Variants in OPRL1 observed in about 807,000 individuals in gnomAD.
OPRL1 encodes opioid related nociceptin receptor 1, also known as nociceptin receptor.
OPRL1 carries 5 observed loss-of-function variants against 15.5 expected under a neutral mutation model. The observed-to-expected ratio is 0.32, with a 90% CI of 0.17 to 0.68. OPRL1 has a LOEUF of 0.68. Among genes scored for constraint, OPRL1 ranks in the 30% least tolerant of loss-of-function variants. The pLI is 0.72. For missense variants in OPRL1, 406 were observed against 515.3 expected, an observed-to-expected ratio of 0.79 and a Z score of 2.05; for synonymous variants, 223 against 230.2, an observed-to-expected ratio of 0.97 and a Z score of 0.28.
rs950242556 is a variant in OPRL1 at position 64,083,920 on chromosome 20, G to C, written c.-185+3568G>C. The C allele has an allele frequency of 4.1e-6, 6 of 1,451,644 alleles. No homozygotes were observed. The African/African-American group carries it at 7.4e-5, about 18-fold the overall frequency. 89.9% of individuals were successfully genotyped at this position (1,451,644 alleles called of 1,614,324 possible). ...GGTTCTGGCGCTCGGCGGGCAGCTC[G>C]AGCGACTGCGTCCACGGGCGCGGGT... On this transcript the variant is annotated intron_variant, in intron 1 of 4. Coordinates refer to ENST00000336866, the MANE Select transcript of OPRL1 (RefSeq NM_182647.4). The surrounding 1 kb of genome is among the most constrained non-coding windows in gnomAD (Gnocchi z 4.9).
At chr20:64,084,385 C>T in intron 1 of OPRL1, 3 of 1,274,992 alleles carry the variant, frequency 2.4e-6, no homozygotes, top group Non-Finnish European at 3.0e-6. Flanking sequence ...TTTGCCCAGG[C>T]GCTCTCCCTC....
chr20:64,088,738 T>C (rs62218109), intron 1 of OPRL1, among the ~76,000 whole-genome samples: 175 of 8,588 alleles, frequency 0.02, 30 homozygotes, highest in Non-Finnish European at 0.024. Flanking sequence ...GTGCAAGGGG[T>C]AGGATCTGTG....
Position 64,083,940 on chromosome 20 carries a change from G to C in OPRL1, c.-185+3588G>C. 1 of 1,457,142 alleles carries C rather than the reference G, an allele frequency of 6.9e-7. No homozygotes were observed. Among genetic ancestry groups the C allele is most frequent in the Non-Finnish European group, 9.0e-7 (1 of 1,110,066 alleles). The allele number at this position is 1,457,142 out of a possible 1,614,324, so 90.3% of individuals were successfully genotyped here. A position where few individuals can be genotyped will look rare whatever the true frequency, so the allele number is the denominator to read the frequency against. ...AGCTCGAGCGACTGCGTCCACGGGC[G>C]CGGGTCGGGCATGCGGTACCCCGGT... On this transcript the variant is annotated intron_variant, in intron 1 of 4. Transcript: ENST00000336866. This position sits in a 1 kb window ranked among gnomAD's most constrained non-coding sequence, Gnocchi z 4.9.
rs143653043 is a variant in OPRL1 at position 64,089,746 on chromosome 20, T to C, written c.-184-2220T>C. Reference sequence around the variant, plus strand: ...CCTGGCCTCTGACACTGGTTCCTGGTCCGGGGACATCAGGTTGGGCTCCTT... The same window carrying C: ...CCTGGCCTCTGACACTGGTTCCTGGCCCGGGGACATCAGGTTGGGCTCCTT... On this transcript the variant is annotated intron_variant, in intron 1 of 4. Coordinates refer to ENST00000336866, the MANE Select transcript of OPRL1 (RefSeq NM_182647.4). The surrounding 1 kb of genome is among the most constrained non-coding windows in gnomAD (Gnocchi z 5.5). Among the ~76,000 whole-genome samples the C allele has an allele frequency of 5.9e-3, 900 of 152,316 alleles. 8 individuals carry two copies. Among genetic ancestry groups the C allele is most frequent in the Middle Eastern group, 0.051 (15 of 294 alleles).
At chr20:64,085,641 A>G (rs375469975) in intron 1 of OPRL1, among the ~76,000 whole-genome samples, 1 of 152,214 alleles carries the variant, frequency 6.6e-6, no homozygotes, top group East Asian at 1.9e-4. Flanking sequence ...AAAAAGTCCA[A>G]TCTGTTACGT....
rs2059996124 is a variant in OPRL1, at chr20:64,083,590, C to T, written c.-185+3238C>T. On this transcript the variant is annotated intron_variant, in intron 1 of 4. Transcript: ENST00000336866. The surrounding 1 kb of genome is among the most constrained non-coding windows in gnomAD (Gnocchi z 4.9). The stretch of plus-strand genomic sequence containing the variant: ...ACCGGGGCTTGTCTGCACCTCTTGG[C>T]GGTCCAGGGGGTCCGGGATCCGCGC... 1 of 1,505,158 alleles carries T rather than the reference C, an allele frequency of 6.6e-7. No individual in the cohort carries two copies. Among genetic ancestry groups the T allele is most frequent in the Non-Finnish European group, 8.9e-7 (1 of 1,126,576 alleles). 93.2% of individuals were successfully genotyped at this position (1,505,158 alleles called of 1,614,324 possible). A position where few individuals can be genotyped will look rare whatever the true frequency, so the allele number is the denominator to read the frequency against.
chr20:64,091,956 T>TC lies in OPRL1; in HGVS notation c.-184-3dup, dbSNP rs963001248. 2.0e-5 allele frequency: 3 copies of TC among 152,116 alleles called. No homozygotes were observed. Among genetic ancestry groups the TC allele is most frequent in the Non-Finnish European group, 4.4e-5 (3 of 68,382 alleles). The allele number at this position is 152,116 out of a possible 1,614,324, so 9.4% of individuals were successfully genotyped here. On this transcript the variant is annotated splice_polypyrimidine_tract_variant and intron_variant, in intron 1 of 4. Coordinates refer to ENST00000336866, the MANE Select transcript of OPRL1 (RefSeq NM_182647.4). ...TTCTGGAGCTGCAGCCTCCTCCCCC[T>TC]CCCCCCCAGCTTCGGGCTGCCGGCT...
Position 64,097,851 on chromosome 20 carries a change from C to T in OPRL1, c.283C>T (p.Leu95=). The change falls in exon 4 of 5, where the codon CTG becomes TTG. Residue 95 remains leucine (L), a synonymous_variant. Coordinates refer to ENST00000336866, the MANE Select transcript of OPRL1 (RefSeq NM_182647.4). This position sits in a 1 kb window ranked among gnomAD's most constrained non-coding sequence, Gnocchi z 4.2. ...ATNIYIFNLA[L]ADTLVLLTLP... Reference sequence around the variant, plus strand: ...CAATATTTACATCTTTAACCTGGCCCTGGCCGACACTCTGGTCCTGCTGAC... The same window carrying T: ...CAATATTTACATCTTTAACCTGGCCTTGGCCGACACTCTGGTCCTGCTGAC... The T allele has an allele frequency of 6.2e-7, 1 of 1,613,614 alleles. No individual in the cohort carries two copies. Among genetic ancestry groups the T allele is most frequent in the Non-Finnish European group, 8.5e-7 (1 of 1,179,996 alleles).
rs2060004000 is a variant in OPRL1, at chr20:64,083,847, C to T, written c.-185+3495C>T. 4 of 1,405,486 alleles carry T rather than the reference C, an allele frequency of 2.8e-6. No individual in the cohort carries two copies. The highest frequency in any genetic ancestry group is 1.5e-5 in the African/African-American group (1 of 66,202). The allele number at this position is 1,405,486 out of a possible 1,614,324, so 87.1% of individuals were successfully genotyped here. A position where few individuals can be genotyped will look rare whatever the true frequency, so the allele number is the denominator to read the frequency against. On this transcript the variant is annotated intron_variant, in intron 1 of 4. Transcript: ENST00000336866. The surrounding 1 kb of genome is among the most constrained non-coding windows in gnomAD (Gnocchi z 4.9). ...ATGCGGGTGTAGCGCAGCCGCAGGG[C>T]GCGGACTCGCCCGCGGGCCTCCGCT...
At chr20:64,093,508 TGG>T (rs1569274841) in intron 3 of OPRL1, among the ~76,000 whole-genome samples, 1 of 2,670 alleles carries the variant, frequency 3.7e-4, no homozygotes. Context: ...GGGCAGTGTG[TGG>T]GGGGCGGTGT....
rs1348803644 is a variant in OPRL1 at position 64,090,720 on chromosome 20, G to A, written c.-184-1246G>A. Among the ~76,000 whole-genome samples, 3 of 152,244 alleles carry A rather than the reference G, an allele frequency of 2.0e-5. No homozygotes were observed. The highest frequency in any genetic ancestry group is 7.2e-5 in the African/African-American group (3 of 41,460). Reference sequence around the variant, plus strand: ...TGTGGGTGCCAGGGGCCTGTCTGCAGGAGTGATGCTCAGCCACTGATCTGG... The same window carrying A: ...TGTGGGTGCCAGGGGCCTGTCTGCAAGAGTGATGCTCAGCCACTGATCTGG... On this transcript the variant is annotated intron_variant, in intron 1 of 4. Coordinates refer to ENST00000336866, the MANE Select transcript of OPRL1 (RefSeq NM_182647.4). This position sits in a 1 kb window ranked among gnomAD's most constrained non-coding sequence, Gnocchi z 4.9.
At chr20:64,084,131 C>T in intron 1 of OPRL1, 9 of 1,465,424 alleles carry the variant, frequency 6.1e-6, no homozygotes, top group Non-Finnish European at 8.1e-6. Context: ...CCCCTTGGCA[C>T]GCTCCTCACC....
chr20:64,088,738 T>TGCAGGGAGGGC (rs1569271930), intron 1 of OPRL1, among the ~76,000 whole-genome samples: 2 of 8,702 alleles, frequency 2.3e-4, no homozygotes, highest in Admixed American at 1.2e-3. Flanking sequence ...GTGCAAGGGG[T>TGCAGGGAGGGC]AGGATCTGTG....
At chr20:64,096,409 C>A (rs1345197309) in intron 3 of OPRL1, among the ~76,000 whole-genome samples, 1 of 152,156 alleles carries the variant, frequency 6.6e-6, no homozygotes, top group Non-Finnish European at 1.5e-5. Context: ...CTTAAAAAAA[C>A]AACATAGATC....
chr20:64,098,831 G>C lies in OPRL1; in HGVS notation c.*32G>C, dbSNP rs1291882220. The C allele has an allele frequency of 6.4e-7, 1 of 1,558,450 alleles. No homozygotes were observed. Among genetic ancestry groups the C allele is most frequent in the African/African-American group, 1.3e-5 (1 of 74,330 alleles). On this transcript the variant is annotated 3_prime_UTR_variant, in exon 5 of 5. Coordinates refer to ENST00000336866, the MANE Select transcript of OPRL1 (RefSeq NM_182647.4). Reference sequence around the variant, plus strand: ...GTGGACCTGCCCATGGTGCCTGTCAGCCCGCAGAGCCCATCTACGCCCAAC... The same window carrying C: ...GTGGACCTGCCCATGGTGCCTGTCACCCCGCAGAGCCCATCTACGCCCAAC...
Position 64,098,928 on chromosome 20 carries a change from G to A in OPRL1, c.*129G>A. On this transcript the variant is annotated 3_prime_UTR_variant, in exon 5 of 5. Transcript: ENST00000336866. ...CCCTGAGCATCCAGAGCCTGGGATG[G>A]GCTTTTCCCTGTGGGCCAGGGATGC... 3 of 1,300,204 alleles carry A rather than the reference G, an allele frequency of 2.3e-6. No homozygotes were observed. The highest frequency in any genetic ancestry group is 3.1e-6 in the Non-Finnish European group (3 of 974,348). 80.5% of individuals were successfully genotyped at this position (1,300,204 alleles called of 1,614,324 possible).
Position 64,083,689 on chromosome 20 carries a change from A to C in OPRL1, c.-185+3337A>C, listed in dbSNP as rs2059998440. 7.1e-7 allele frequency: 1 copy of C among 1,412,930 alleles called. No individual in the cohort carries two copies. The highest frequency in any genetic ancestry group is 3.2e-5 in the Admixed American group (1 of 31,596). 87.5% of individuals were successfully genotyped at this position (1,412,930 alleles called of 1,614,324 possible). ...CGCGGACTTCTGCCGCTGGATGAGC[A>C]GCGCGATCTCCTCGGCCTGCGGGGC... On this transcript the variant is annotated intron_variant, in intron 1 of 4. Transcript: ENST00000336866. This position sits in a 1 kb window ranked among gnomAD's most constrained non-coding sequence, Gnocchi z 4.9.
chr20:64,098,990 A>G lies in OPRL1; in HGVS notation c.*191A>G. 1 of 776,262 alleles carries G rather than the reference A, an allele frequency of 1.3e-6. No individual in the cohort carries two copies. The highest frequency in any genetic ancestry group is 2.7e-5 in the East Asian group (1 of 36,774). 48.1% of individuals were successfully genotyped at this position (776,262 alleles called of 1,614,324 possible). ...GGAGGACCTAGTGACATCATGGGAC[A>G]GGTCAAAGCATTAGGGCCACCTCCA... On this transcript the variant is annotated 3_prime_UTR_variant, in exon 5 of 5. Coordinates refer to ENST00000336866, the MANE Select transcript of OPRL1 (RefSeq NM_182647.4).
In OPRL1 at chr20:64,083,738, G is replaced by A. The variant is rs958350354; in HGVS notation, c.-185+3386G>A. 58 of 1,326,660 alleles carry A rather than the reference G, an allele frequency of 4.4e-5. No homozygotes were observed. The highest frequency in any genetic ancestry group is 3.2e-5 in the Non-Finnish European group (33 of 1,042,706). The allele number at this position is 1,326,660 out of a possible 1,614,324, so 82.2% of individuals were successfully genotyped here. A position where few individuals can be genotyped will look rare whatever the true frequency, so the allele number is the denominator to read the frequency against. ...GCCCGGGTAGCTGAGCGCGCGCCGA[G>A]CCCCGCCCCGCCCCGCCCCGGCCGG... On this transcript the variant is annotated intron_variant, in intron 1 of 4. Transcript: ENST00000336866. The surrounding 1 kb of genome is among the most constrained non-coding windows in gnomAD (Gnocchi z 4.9).
Sources: allele counts gnomAD v4.1 joint callset (sites outside exome capture counted in the v4.1 genomes callset), GRCh38; gene constraint gnomAD v4.1.1; non-coding constraint Gnocchi (gnomAD v3.1); transcripts MANE v1.5; gene names NCBI Gene and HGNC (gene_info 2026-07-23, HGNC 2026-07-21).